Variants in PRKN observed in about 807,000 individuals in gnomAD.
The protein encoded by PRKN is parkin RBR E3 ubiquitin protein ligase, also known as E3 ubiquitin-protein ligase parkin.
Under a neutral mutation model 59.5 loss-of-function variants are expected in PRKN, and 56 were observed. The observed-to-expected ratio is 0.94, with a 90% confidence interval of 0.76 to 1.18. The LOEUF is 1.18. Among genes scored for constraint, PRKN ranks in the 50% most tolerant of loss-of-function variants. The pLI, the probability that PRKN is intolerant of heterozygous loss-of-function variation, is 0.00. For synonymous variants in PRKN, 250 were observed against 222.1 expected, an observed-to-expected ratio of 1.13 and a Z score of -1.12; for missense variants, 657 against 596.4, an observed-to-expected ratio of 1.10 and a Z score of -1.06.
rs187356446 is a variant in PRKN, at chr6:161,990,472, A to C, written c.619-17055T>G. 3.0e-3 allele frequency among the ~76,000 whole-genome samples: 456 copies of C among 152,378 alleles called. 3 individuals carry two copies. The highest frequency in any genetic ancestry group is 8.7e-3 in the South Asian group (42 of 4,832). On this transcript the variant is annotated intron_variant, in intron 5 of 11. Coordinates refer to ENST00000366898, the MANE Select transcript of PRKN (RefSeq NM_004562.3). ...GAGGCACTGTAAAAAGCTCAATGAG[A>C]TATGATAGAACACAAATAAAAGATA... is the stretch of plus-strand genomic sequence containing the variant.
At chr6:161,694,626 C>T (rs985170589) in intron 7 of PRKN, among the ~76,000 whole-genome samples, 1 of 152,076 alleles carries the variant, frequency 6.6e-6, no homozygotes, top group African/African-American at 2.4e-5. Context: ...TCGGTTTTGA[C>T]TAAGAACTGG....
intron 2 of PRKN, among the ~76,000 whole-genome samples, chr6:162,442,736 C>T (rs1196256579): frequency 1.3e-5 from 2 of 152,132 alleles, no homozygotes; most frequent in African/African-American, 2.4e-5. Context: ...CAAAGGTATA[C>T]TGTTGTTGTG....
intron 1 of PRKN, among the ~76,000 whole-genome samples, chr6:162,621,281 G>T (rs1341291021): frequency 6.6e-6 from 1 of 152,136 alleles, no homozygotes; most frequent in African/African-American, 2.4e-5. Flanking sequence ...AGGAAAGTAA[G>T]TAGCGACTTG....
intron 1 of PRKN, among the ~76,000 whole-genome samples, chr6:162,515,364 T>C (rs954628642): frequency 3.9e-5 from 6 of 152,188 alleles, no homozygotes; most frequent in African/African-American, 7.2e-5. Context: ...ATTATAGGCA[T>C]GAGCCACCGC....
At chr6:161,911,182 T>C (rs777919830) in intron 6 of PRKN, among the ~76,000 whole-genome samples, 1 of 152,192 alleles carries the variant, frequency 6.6e-6, no homozygotes, top group Non-Finnish European at 1.5e-5. Flanking sequence ...AGCCAAGACA[T>C]GCCCACTGTC....
chr6:162,111,309 C>T, intron 4 of PRKN, among the ~76,000 whole-genome samples: 1 of 152,070 alleles, frequency 6.6e-6, no homozygotes, highest in Non-Finnish European at 1.5e-5. Context: ...ACTAAAAATA[C>T]AAAAAATTAC....
intron 1 of PRKN, among the ~76,000 whole-genome samples, chr6:162,689,377 A>C (rs141753337): frequency 6.6e-6 from 1 of 152,212 alleles, no homozygotes; most frequent in East Asian, 1.9e-4. Context: ...GAAAAAAAAA[A>C]CTGCTAGGTA....
Position 162,393,155 on chromosome 6 carries a change from CTT to C in PRKN, c.171+50153_171+50154del, listed in dbSNP as rs1177332315. 6.5e-3 allele frequency among the ~76,000 whole-genome samples: 524 copies of C among 80,162 alleles called. 5 individuals carry two copies. The highest frequency in any genetic ancestry group is 0.025 in the African/African-American group (459 of 18,576). 52.6% of individuals were successfully genotyped at this position (80,162 alleles called of 152,430 possible). The stretch of plus-strand genomic sequence containing the variant: ...TGATACTGGGTGAGGATAGGAGATT[CTT>C]TTTTTTTTTTTTTTTTTTTTGAGAC... On this transcript the variant is annotated intron_variant, in intron 2 of 11. Transcript: ENST00000366898.
intron 4 of PRKN, among the ~76,000 whole-genome samples, chr6:162,090,719 A>G (rs1412700463): frequency 6.6e-6 from 1 of 152,230 alleles, no homozygotes; most frequent in Non-Finnish European, 1.5e-5. Context: ...GATGTTTCAG[A>G]CAAAATATGA....
rs1184561983 is a variant in PRKN, at chr6:161,546,292, A to G, written c.1083+2562T>C. On this transcript the variant is annotated intron_variant, in intron 9 of 11. Transcript: ENST00000366898. This position sits in a 1 kb window ranked among gnomAD's most constrained non-coding sequence, Gnocchi z 4.4. The stretch of plus-strand genomic sequence containing the variant: ...TATACCCTATTTTAGAGATAAGGAA[A>G]CCGAGAAAGATGAAAACCACAAGTA... Among the ~76,000 whole-genome samples, 1 of 152,210 alleles carries G rather than the reference A, an allele frequency of 6.6e-6. No homozygotes were observed. Among genetic ancestry groups the G allele is most frequent in the East Asian group, 1.9e-4 (1 of 5,200 alleles).
intron 6 of PRKN, among the ~76,000 whole-genome samples, chr6:161,800,270 G>A (rs1345688595): frequency 6.6e-6 from 1 of 152,100 alleles, no homozygotes; most frequent in Non-Finnish European, 1.5e-5. Context: ...GGGCAATCGA[G>A]TGCTTGATGT....
intron 6 of PRKN, among the ~76,000 whole-genome samples, chr6:161,933,085 G>A (rs1415643739): frequency 6.6e-6 from 1 of 152,142 alleles, no homozygotes; most frequent in Non-Finnish European, 1.5e-5. Context: ...TTCGAGACCA[G>A]CCTGGCTAAC....
At chr6:161,818,538 T>A (rs1444999277) in intron 6 of PRKN, among the ~76,000 whole-genome samples, 1 of 151,956 alleles carries the variant, frequency 6.6e-6, no homozygotes, top group African/African-American at 2.4e-5. Context: ...CTTGCTATGT[T>A]GCCCAGGCTG....
At position 161,804,698 on chromosome 6, in the gene PRKN, A is replaced by G. The variant is rs536457763; in HGVS notation, c.735-18790T>C. ...TTGGCAAACTCTGTTGCATCTACACATTGTCCCAACAATGCGTTTTAGAGT... is the reference window on the plus strand; with the variant it reads ...TTGGCAAACTCTGTTGCATCTACACGTTGTCCCAACAATGCGTTTTAGAGT... On this transcript the variant is annotated intron_variant, in intron 6 of 11. Transcript: ENST00000366898. Among the ~76,000 whole-genome samples the G allele has an allele frequency of 4.6e-5, 7 of 152,364 alleles. No individual in the cohort carries two copies. The South Asian group carries it at 1.2e-3, about 27-fold the overall frequency.
At chr6:161,496,017 T>C (rs1156473474) in intron 9 of PRKN, among the ~76,000 whole-genome samples, 1 of 152,260 alleles carries the variant, frequency 6.6e-6, no homozygotes, top group Non-Finnish European at 1.5e-5. Flanking sequence ...GGGGGCATGC[T>C]GTGACCATCT....
chr6:161,432,452 TC>T (rs1413880428), intron 9 of PRKN, among the ~76,000 whole-genome samples: 8 of 143,674 alleles, frequency 5.6e-5, no homozygotes, highest in Non-Finnish European at 6.0e-5. Flanking sequence ...AACCTCTGCC[TC>T]CCGGGTTCAA....
intron 2 of PRKN, among the ~76,000 whole-genome samples, chr6:162,290,922 G>A (rs1045972924): frequency 6.6e-6 from 1 of 152,156 alleles, no homozygotes. Flanking sequence ...CCAGTTAAGT[G>A]CTCACTTTCA....
At chr6:162,092,008 C>G (rs1779518030) in intron 4 of PRKN, among the ~76,000 whole-genome samples, 1 of 151,972 alleles carries the variant, frequency 6.6e-6, no homozygotes, top group East Asian at 1.9e-4. Context: ...TGCACTCCAG[C>G]CTGGGCAACA....
intron 1 of PRKN, among the ~76,000 whole-genome samples, chr6:162,662,103 T>A (rs189088181): frequency 1.9e-4 from 29 of 151,818 alleles, no homozygotes; most frequent in Admixed American, 5.9e-4. Context: ...TTTTTTTTTT[T>A]AATAATTTCT....
Sources: allele counts gnomAD v4.1 joint callset (sites outside exome capture counted in the v4.1 genomes callset), GRCh38; gene constraint gnomAD v4.1.1; non-coding constraint Gnocchi (gnomAD v3.1); transcripts MANE v1.5; gene names NCBI Gene and HGNC (gene_info 2026-07-23, HGNC 2026-07-21).